STX12: variants seen among roughly 807,000 people sequenced by gnomAD.
STX12 encodes the protein syntaxin-12.
A neutral mutation model predicts 42.2 loss-of-function variants in STX12; 17 were observed. The ratio of observed to expected loss-of-function variants is 0.40; its 90% CI spans 0.28 to 0.60. The LOEUF (loss-of-function observed/expected upper bound fraction) is 0.60, where lower values mean the gene tolerates loss of function less well. STX12 is among the 20% of genes least tolerant of loss of function. STX12 has a pLI of 0.39. For missense variants in STX12, 297 were observed against 330.9 expected (o/e 0.90, Z 0.79); for synonymous variants, 108 against 116.7 (o/e 0.93, Z 0.48).
chr1:27,805,530 A>C (rs1438854732), intron 4 of STX12, among the ~76,000 whole-genome samples: 2 of 152,184 alleles, frequency 1.3e-5, no homozygotes, highest in South Asian at 2.1e-4. Context: ...TAAAGATGTA[A>C]ATGATTTATA....
chr1:27,775,810 AGAG>A (rs1173298178), intron 1 of STX12, among the ~76,000 whole-genome samples: 9 of 152,208 alleles, frequency 5.9e-5, no homozygotes, highest in Non-Finnish European at 1.5e-5. Flanking sequence ...TCGAAGGTAA[AGAG>A]GAGAAGAGCA....
At chr1:27,796,332 T>C (rs184107265) in intron 3 of STX12, among the ~76,000 whole-genome samples, 56 of 152,320 alleles carry the variant, frequency 3.7e-4, no homozygotes, top group Non-Finnish European at 6.2e-4. Flanking sequence ...TCCATACTTA[T>C]ATACTATCAT....
At chr1:27,792,337 T>C (rs192763283) in intron 2 of STX12, among the ~76,000 whole-genome samples, 1,971 of 140,936 alleles carry the variant, frequency 0.014, 83 homozygotes, top group South Asian at 0.048. Flanking sequence ...TATGTATCTA[T>C]ATATATGTAG....
intron 3 of STX12, among the ~76,000 whole-genome samples, chr1:27,801,085 T>G (rs566929871): frequency 2.0e-5 from 3 of 152,284 alleles, no homozygotes; most frequent in African/African-American, 7.2e-5. Flanking sequence ...TGAATTGCAG[T>G]TCTTTGGAGA....
intron 3 of STX12, among the ~76,000 whole-genome samples, chr1:27,799,489 G>GTTTTTT (rs1301649143): frequency 7.8e-6 from 1 of 127,728 alleles, no homozygotes; most frequent in African/African-American, 3.1e-5. Context: ...TTTTTTTTTT[G>GTTTTTT]TTTTTTTTTT....
At chr1:27,797,875 A>AACACACACACACACACACACACAC (rs61106135) in intron 3 of STX12, among the ~76,000 whole-genome samples, 5 of 143,194 alleles carry the variant, frequency 3.5e-5, no homozygotes, top group African/African-American at 1.3e-4. Context: ...TCTGAAGGTA[A>AACACACACACACACACACACACAC]ACACACACAC....
chr1:27,789,216 T>G lies in STX12; in HGVS notation c.119-346T>G, dbSNP rs12036118. On this transcript the variant is annotated intron_variant, in intron 1 of 8. Coordinates refer to ENST00000373943, the MANE Select transcript of STX12 (RefSeq NM_177424.3). ...AAAAATTATTGTATTTGACTTGATT[T>G]TTTTTTTATTGTTGCAAATTGATAT... 0.023 allele frequency among the ~76,000 whole-genome samples: 3,477 copies of G among 152,316 alleles called. 191 individuals are homozygous for G. The East Asian group carries it at 0.25, about 11-fold the overall frequency.
rs1456826152 is a variant in STX12 at position 27,822,100 on chromosome 1, G to T, written c.733-131G>T. ...TGACTTAAGATTTCTGGGAAAGTCTGTGCATAATTTTGCATGGATAGAGTT... is the reference window on the plus strand; with the variant it reads ...TGACTTAAGATTTCTGGGAAAGTCTTTGCATAATTTTGCATGGATAGAGTT... On this transcript the variant is annotated intron_variant, in intron 8 of 8. Coordinates refer to ENST00000373943, the MANE Select transcript of STX12 (RefSeq NM_177424.3). 4 of 635,708 alleles carry T rather than the reference G, an allele frequency of 6.3e-6. 1 individual carries two copies. In the African/African-American group the frequency reaches 7.2e-5, roughly 12 times the overall value. 39.4% of individuals were successfully genotyped at this position (635,708 alleles called of 1,614,324 possible). A position where few individuals can be genotyped will look rare whatever the true frequency, so the allele number is the denominator to read the frequency against.
At chr1:27,814,386 G>A (rs2088925900) in intron 6 of STX12, among the ~76,000 whole-genome samples, 1 of 150,988 alleles carries the variant, frequency 6.6e-6, no homozygotes, top group Non-Finnish European at 1.5e-5. Context: ...AAAATTAACC[G>A]GGTGCTGTAA....
At chr1:27,803,905 G>A (rs2088842556) in intron 4 of STX12, among the ~76,000 whole-genome samples, 1 of 152,058 alleles carries the variant, frequency 6.6e-6, no homozygotes, top group Non-Finnish European at 1.5e-5. Flanking sequence ...GGAGGCTGAG[G>A]CAGGAGAATC....
At chr1:27,822,184 A>T in intron 8 of STX12, 47 bp from the exon 9 acceptor site, 1 of 1,198,124 alleles carries the variant, frequency 8.3e-7, no homozygotes, top group Non-Finnish European at 1.2e-6. Context: ...ACACATACAA[A>T]TTTTACTTGT....
chr1:27,776,569 T>C (rs2088629393), intron 1 of STX12, among the ~76,000 whole-genome samples: 1 of 152,022 alleles, frequency 6.6e-6, no homozygotes, highest in South Asian at 2.1e-4. Context: ...AGTTAAAAAT[T>C]AGCCAGACAT....
chr1:27,795,028 AT>A (rs2148601321), intron 3 of STX12, among the ~76,000 whole-genome samples: 1 of 152,258 alleles, frequency 6.6e-6, no homozygotes, highest in African/African-American at 2.4e-5. Context: ...TGACCTTTAT[AT>A]CGTTTTTTAT....
Position 27,792,806 on chromosome 1 carries a change from G to A in STX12, c.189-727G>A, listed in dbSNP as rs184127295. Among the ~76,000 whole-genome samples, 245 of 152,260 alleles carry A rather than the reference G, an allele frequency of 1.6e-3. 1 individual carries two copies. Among genetic ancestry groups the A allele is most frequent in the African/African-American group, 5.8e-3 (240 of 41,548 alleles). ...CGTCTCAGAAAGCCTTTGTAGAAAT[G>A]GCTGGATAGTAGAGGAAACCACAAA... On this transcript the variant is annotated intron_variant, in intron 2 of 8. Coordinates refer to ENST00000373943, the MANE Select transcript of STX12 (RefSeq NM_177424.3).
chr1:27,812,084 C>G (rs1207091187), intron 5 of STX12, 79 bp from the exon 6 acceptor site: 1 of 1,194,778 alleles, frequency 8.4e-7, no homozygotes, highest in East Asian at 2.6e-5. Context: ...ATAGGTTCTG[C>G]TGGCAGTAGA....
At chr1:27,774,205 C>T (rs909636448) in intron 1 of STX12, among the ~76,000 whole-genome samples, 7 of 152,158 alleles carry the variant, frequency 4.6e-5, no homozygotes, top group Admixed American at 2.0e-4. Flanking sequence ...GCAAGTAAGG[C>T]ATGGTAGAGT....
chr1:27,789,725 G>A, intron 2 of STX12, 94 bp downstream of exon 2: 1 of 918,136 alleles, frequency 1.1e-6, no homozygotes, highest in Non-Finnish European at 1.7e-6. Context: ...GGTCTGGGAA[G>A]TCAGAATGAG....
At chr1:27,792,197 T>G (rs182430502) in intron 2 of STX12, among the ~76,000 whole-genome samples, 13 of 134,962 alleles carry the variant, frequency 9.6e-5, no homozygotes, top group Admixed American at 1.6e-4. Flanking sequence ...TATATATGTA[T>G]ATACATATAT....
At chr1:27,817,402 C>A (rs2088951276) in intron 6 of STX12, among the ~76,000 whole-genome samples, 1 of 152,202 alleles carries the variant, frequency 6.6e-6, no homozygotes, top group Admixed American at 6.5e-5. Context: ...GGAAAAGAGG[C>A]TCCTTACTTG....
Sources: allele counts gnomAD v4.1 joint callset (sites outside exome capture counted in the v4.1 genomes callset), GRCh38; gene constraint gnomAD v4.1.1; transcripts MANE v1.5; gene names NCBI Gene and HGNC (gene_info 2026-07-23, HGNC 2026-07-21).